The following CCDC66 variants were observed in gnomAD, a reference collection of about 807,000 sequenced individuals.
The protein encoded by CCDC66 is coiled-coil domain-containing protein 66.
In CCDC66, 133 loss-of-function variants were observed where a neutral mutation model predicts 128.3. The observed-to-expected ratio is 1.04, with a 90% confidence interval of 0.90 to 1.20. The LOEUF (loss-of-function observed/expected upper bound fraction) is 1.20. Ranked by LOEUF, CCDC66 falls within the 50% of genes most tolerant of loss-of-function variation. The pLI, the probability that CCDC66 is intolerant of heterozygous loss-of-function variation, is 0.00. For missense variants in CCDC66, 1,126 were observed against 1,075.5 expected (o/e 1.05, Z -0.66); for synonymous variants, 387 against 357.0 (o/e 1.08, Z -0.95).
chr3:56,582,132 C>G (rs2068496681), intron 7 of CCDC66, among the ~76,000 whole-genome samples: 1 of 151,942 alleles, frequency 6.6e-6, no homozygotes. Flanking sequence ...CCCTCCCCAG[C>G]CTTGCTGCCG....
rs541954426 is a variant in CCDC66 at position 56,591,789 on chromosome 3, G to C, written c.937-1181G>C. On this transcript the variant is annotated intron_variant, in intron 7 of 17. Coordinates refer to ENST00000394672, the MANE Select transcript of CCDC66 (RefSeq NM_001141947.3). ...TACTTTTTGTATAAATATTTCTTCT[G>C]ATCAAAACAGTGAGTTGTAAACTAT... Among the ~76,000 whole-genome samples the C allele has an allele frequency of 3.3e-5, 5 of 152,254 alleles. No homozygotes were observed. The South Asian group carries it at 1.0e-3, about 32-fold the overall frequency.
intron 7 of CCDC66, among the ~76,000 whole-genome samples, chr3:56,579,767 TGA>T (rs2068014785): frequency 6.6e-6 from 1 of 151,948 alleles, no homozygotes. Flanking sequence ...CACTGTAGTC[TGA>T]GAGATAGTTT....
intron 10 of CCDC66, among the ~76,000 whole-genome samples, chr3:56,596,779 G>A (rs1428091888): frequency 1.5e-5 from 1 of 66,290 alleles, no homozygotes; most frequent in Admixed American, 1.4e-4. Context: ...TTTTTTTTTT[G>A]AAGTGGAGTC....
intron 6 of CCDC66, chr3:56,570,268 A>G (rs1211504597): frequency 6.6e-6 from 1 of 152,220 alleles, no homozygotes; most frequent in African/African-American, 2.4e-5. Context: ...TTGTATTTAA[A>G]GAACTACTGT....
chr3:56,581,196 A>G (rs1224843913), intron 7 of CCDC66, among the ~76,000 whole-genome samples: 1 of 151,840 alleles, frequency 6.6e-6, no homozygotes, highest in Non-Finnish European at 1.5e-5. Context: ...ACTTGATCAA[A>G]TTAGCTACTG....
intron 8 of CCDC66, 22 bp downstream of exon 8, chr3:56,593,123 C>T (rs1227455263): frequency 6.6e-7 from 1 of 1,517,292 alleles, no homozygotes; most frequent in Non-Finnish European, 8.9e-7. Context: ...GGTTTTGTGG[C>T]TATAAAAGAA....
At chr3:56,612,644 T>G (rs984378758) in intron 10 of CCDC66, among the ~76,000 whole-genome samples, 1 of 152,136 alleles carries the variant, frequency 6.6e-6, no homozygotes, top group Non-Finnish European at 1.5e-5. Context: ...AGTGGTGGTG[T>G]TGGCGGTGGC....
In CCDC66 at chr3:56,588,337, A is replaced by G. The variant is rs534816232; in HGVS notation, c.937-4633A>G. ...GGAGGGGGCTGAGGGATAAAAGACTACAAATTGGATTCAGTCTATACTGCT... is the reference window on the plus strand; with the variant it reads ...GGAGGGGGCTGAGGGATAAAAGACTGCAAATTGGATTCAGTCTATACTGCT... On this transcript the variant is annotated intron_variant, in intron 7 of 17. Transcript: ENST00000394672. Among the ~76,000 whole-genome samples the G allele has an allele frequency of 7.9e-5, 12 of 152,324 alleles. No individual in the cohort carries two copies. The East Asian group carries it at 2.3e-3, about 29-fold the overall frequency.
At chr3:56,618,395 C>T in intron 15 of CCDC66, 183 bp downstream of exon 15, 1 of 541,340 alleles carries the variant, frequency 1.8e-6, no homozygotes, top group Non-Finnish European at 3.3e-6. Flanking sequence ...CTTGAAGGCC[C>T]AAGTTGGACT....
intron 7 of CCDC66, among the ~76,000 whole-genome samples, chr3:56,576,152 C>T (rs1040726570): frequency 6.6e-6 from 1 of 151,310 alleles, no homozygotes; most frequent in Non-Finnish European, 1.5e-5. Flanking sequence ...TTAAGTCTTC[C>T]AATTAATGAA....
In CCDC66 at chr3:56,615,145, G is replaced by A; in HGVS notation, c.1584G>A (p.Lys528=). Residue 528 remains lysine, a synonymous_variant, in exon 12 of 18, where the codon AAG becomes AAA. Transcript: ENST00000394672. ...ATTGACAGGAAATCATGACTCTCAA[G>A]ACAAATGAGCTATTCCAGACAATGC... ...QKQKEEIMTL[K]TNELFQTMQR... The A allele has an allele frequency of 1.2e-6, 2 of 1,613,444 alleles. No individual in the cohort carries two copies. The highest frequency in any genetic ancestry group is 1.7e-5 in the Admixed American group (1 of 59,906).
chr3:56,575,010 TA>T (rs2067164954), intron 7 of CCDC66, among the ~76,000 whole-genome samples: 1 of 151,920 alleles, frequency 6.6e-6, no homozygotes, highest in South Asian at 2.1e-4. Context: ...CATTGGTGTA[TA>T]AATAATCTTT....
intron 10 of CCDC66, among the ~76,000 whole-genome samples, chr3:56,599,137 C>G (rs2072682829): frequency 6.6e-6 from 1 of 151,924 alleles, no homozygotes; most frequent in African/African-American, 2.4e-5. Flanking sequence ...CTTCCTGATT[C>G]AATCTTGATA....
intron 7 of CCDC66, 116 bp from the exon 8 acceptor site, chr3:56,592,854 T>C: frequency 2.0e-6 from 2 of 1,006,594 alleles, no homozygotes; most frequent in Non-Finnish European, 3.0e-6. Context: ...TTGCTCCTCT[T>C]ACAGATAAAT....
At chr3:56,561,894 T>TC (rs2065147681) in intron 3 of CCDC66, among the ~76,000 whole-genome samples, 1 of 152,234 alleles carries the variant, frequency 6.6e-6, no homozygotes, top group South Asian at 2.1e-4. Flanking sequence ...TCTTTTTTTT[T>TC]CCCCCATTTC....
intron 10 of CCDC66, among the ~76,000 whole-genome samples, chr3:56,612,590 T>C (rs1190783907): frequency 6.6e-6 from 1 of 151,888 alleles, no homozygotes; most frequent in Non-Finnish European, 1.5e-5. Flanking sequence ...ACATGGGCAA[T>C]GGCAGTAGTA....
chr3:56,608,419 G>A (rs1190313798), intron 10 of CCDC66, among the ~76,000 whole-genome samples: 1 of 152,114 alleles, frequency 6.6e-6, no homozygotes, highest in Non-Finnish European at 1.5e-5. Flanking sequence ...GTGTAAAGGT[G>A]TTCATAGTAG....
chr3:56,569,351 G>A (rs889624626), intron 6 of CCDC66: 18 of 344,906 alleles, frequency 5.2e-5, no homozygotes, highest in African/African-American at 3.2e-4. Flanking sequence ...GCATCTCCTC[G>A]GCTTCTGGTG....
chr3:56,601,475 G>A (rs547268748), intron 10 of CCDC66, among the ~76,000 whole-genome samples: 26 of 152,056 alleles, frequency 1.7e-4, no homozygotes, highest in African/African-American at 2.2e-4. Context: ...TGATTCCATA[G>A]GAAATTTAAA....
Sources: allele counts gnomAD v4.1 joint callset (sites outside exome capture counted in the v4.1 genomes callset), GRCh38; gene constraint gnomAD v4.1.1; transcripts MANE v1.5; gene names NCBI Gene and HGNC (gene_info 2026-07-23, HGNC 2026-07-21).